KYNU: variants seen among roughly 807,000 people sequenced by gnomAD.
The protein encoded by KYNU is L-kynurenine hydrolase.
KYNU carries 54 observed loss-of-function variants against 59.2 expected under a neutral mutation model. That is an observed-to-expected ratio of 0.91 (90% CI 0.73 to 1.14). The LOEUF (loss-of-function observed/expected upper bound fraction) is 1.14, where lower values mean the gene tolerates loss of function less well. Among genes scored for constraint, KYNU ranks in the 50% most tolerant of loss-of-function variants. The pLI is 0.00. For missense variants in KYNU, 567 were observed against 554.4 expected, an observed-to-expected ratio of 1.02 and a Z score of -0.23; for synonymous variants, 177 against 192.0, an observed-to-expected ratio of 0.92 and a Z score of 0.65.
intron 3 of KYNU, among the ~76,000 whole-genome samples, chr2:142,920,023 G>T (rs1048163245): frequency 3.3e-5 from 5 of 152,124 alleles, no homozygotes; most frequent in African/African-American, 4.8e-5. Context: ...AGTGAGTGGA[G>T]ATCACCACTG....
chr2:142,951,724 C>G (rs1683996937), intron 4 of KYNU, among the ~76,000 whole-genome samples: 1 of 152,188 alleles, frequency 6.6e-6, no homozygotes, highest in Admixed American at 6.5e-5. Context: ...TTGGACTAAC[C>G]CTGTCCTTGG....
intron 10 of KYNU, among the ~76,000 whole-genome samples, chr2:142,994,932 A>G (rs1396389890): frequency 6.6e-6 from 1 of 152,076 alleles, no homozygotes; most frequent in Non-Finnish European, 1.5e-5. Flanking sequence ...ATATGCTTCT[A>G]TGAAGACCAA....
intron 4 of KYNU, chr2:142,948,011 A>G (rs1336693659): frequency 6.6e-6 from 1 of 152,166 alleles, no homozygotes; most frequent in African/African-American, 2.4e-5. Flanking sequence ...TTCTCAATTG[A>G]AATGACCAGA....
chr2:142,981,024 G>A (rs1377630802), intron 8 of KYNU, among the ~76,000 whole-genome samples: 1 of 151,986 alleles, frequency 6.6e-6, no homozygotes, highest in African/African-American at 2.4e-5. Flanking sequence ...TGATATTCAT[G>A]TTTGTATCTT....
chr2:142,902,258 C>T (rs991796483), intron 2 of KYNU, among the ~76,000 whole-genome samples: 9 of 152,166 alleles, frequency 5.9e-5, no homozygotes, highest in Admixed American at 4.6e-4. Context: ...GCAAGCTGGT[C>T]CCTTGAACCT....
intron 10 of KYNU, among the ~76,000 whole-genome samples, chr2:142,994,842 T>C (rs886123794): frequency 6.6e-6 from 1 of 152,108 alleles, no homozygotes. Context: ...TCTTCTAGCA[T>C]ATGGAAGCAT....
In KYNU at chr2:143,055,810, T is replaced by C. The variant is rs1687345443; in HGVS notation, c.*13638T>C. 6.6e-6 allele frequency: 1 copy of C among 152,108 alleles called. No homozygotes were observed. Among genetic ancestry groups the C allele is most frequent in the Non-Finnish European group, 1.5e-5 (1 of 68,014 alleles). 9.4% of individuals were successfully genotyped at this position (152,108 alleles called of 1,614,324 possible). On this transcript the variant is annotated 3_prime_UTR_variant, in exon 14 of 14. Transcript: ENST00000264170. The stretch of plus-strand genomic sequence containing the variant: ...CTCTATTTTTGTTAATGTTGGAAAA[T>C]TTAATAAAAACAATGAACAGTGATG...
intron 10 of KYNU, among the ~76,000 whole-genome samples, chr2:143,026,312 A>G (rs2104908666): frequency 6.6e-6 from 1 of 152,342 alleles, no homozygotes; most frequent in South Asian, 2.1e-4. Flanking sequence ...GTTCTCCATT[A>G]TAAGATATTC....
At position 142,889,647 on chromosome 2, in the gene KYNU, A is replaced by G. The variant is rs528275970; in HGVS notation, c.169+4111A>G. On this transcript the variant is annotated intron_variant, in intron 2 of 13. Transcript: ENST00000264170. ...TGTTCTGACCCCCAACGGTGTTGAA[A>G]TTTCCTTCTTTTTTGTTTTGACAAG... is the stretch of plus-strand genomic sequence containing the variant. 2.0e-5 allele frequency among the ~76,000 whole-genome samples: 3 copies of G among 152,262 alleles called. No individual in the cohort carries two copies. In the South Asian group the frequency reaches 6.2e-4, roughly 32 times the overall value.
intron 12 of KYNU, among the ~76,000 whole-genome samples, chr2:143,033,860 T>C (rs1435221792): frequency 6.6e-6 from 1 of 152,254 alleles, no homozygotes; most frequent in African/African-American, 2.4e-5. Flanking sequence ...AAACCAAAGA[T>C]TAAATAAGGT....
At chr2:143,037,065 A>G (rs1158874878) in intron 12 of KYNU, among the ~76,000 whole-genome samples, 1 of 152,190 alleles carries the variant, frequency 6.6e-6, no homozygotes, top group Non-Finnish European at 1.5e-5. Flanking sequence ...GATATAAAAA[A>G]TAGCACATTG....
At chr2:143,031,489 C>T (rs1686740647) in intron 11 of KYNU, among the ~76,000 whole-genome samples, 2 of 152,138 alleles carry the variant, frequency 1.3e-5, no homozygotes, top group Middle Eastern at 3.4e-3. Flanking sequence ...CTTTGGGAGG[C>T]AAGGCAGATG....
At chr2:142,944,294 A>G (rs542273453) in intron 4 of KYNU, among the ~76,000 whole-genome samples, 1 of 152,366 alleles carries the variant, frequency 6.6e-6, no homozygotes, top group African/African-American at 2.4e-5. Flanking sequence ...TAATGGATCC[A>G]TAAACATTAG....
intron 2 of KYNU, among the ~76,000 whole-genome samples, chr2:142,886,334 G>A (rs766593557): frequency 6.6e-6 from 1 of 152,084 alleles, no homozygotes; most frequent in African/African-American, 2.4e-5. Flanking sequence ...AGCCATGAAG[G>A]TCAGCTAATA....
intron 8 of KYNU, among the ~76,000 whole-genome samples, chr2:142,972,104 AT>A (rs1311572456): frequency 2.6e-5 from 4 of 152,170 alleles, no homozygotes; most frequent in Non-Finnish European, 5.9e-5. Context: ...GACTGAATTT[AT>A]TTAATTTTTC....
At chr2:143,022,647 T>C (rs1328223628) in intron 10 of KYNU, among the ~76,000 whole-genome samples, 3 of 152,000 alleles carry the variant, frequency 2.0e-5, no homozygotes, top group Admixed American at 6.6e-5. Context: ...CCTTCTTTTG[T>C]GAGTTTTAGA....
chr2:142,975,885 A>G (rs1411086473), intron 8 of KYNU, among the ~76,000 whole-genome samples: 1 of 152,144 alleles, frequency 6.6e-6, no homozygotes. Flanking sequence ...CTCATTTTTA[A>G]TTCAATGAGT....
At chr2:143,008,268 A>G (rs1573895034) in intron 10 of KYNU, among the ~76,000 whole-genome samples, 1 of 117,756 alleles carries the variant, frequency 8.5e-6, no homozygotes, top group African/African-American at 3.8e-5. Context: ...CTAGTCTCTG[A>G]TAAAACAGAC....
chr2:142,956,578 GCT>G (rs900072593), intron 6 of KYNU, among the ~76,000 whole-genome samples: 4 of 152,034 alleles, frequency 2.6e-5, no homozygotes, highest in African/African-American at 9.7e-5. Flanking sequence ...AATTCTTATT[GCT>G]CTTTTATTTT....
Sources: allele counts gnomAD v4.1 joint callset (sites outside exome capture counted in the v4.1 genomes callset), GRCh38; gene constraint gnomAD v4.1.1; transcripts MANE v1.5; gene names NCBI Gene and HGNC (gene_info 2026-07-23, HGNC 2026-07-21).